The following MCUB variants were observed in gnomAD, a reference collection of about 807,000 sequenced individuals.
MCUB encodes the protein mitochondrial calcium uniporter dominant negative subunit beta, also known as calcium uniporter regulatory subunit MCUb, mitochondrial.
Under a neutral mutation model 41.4 loss-of-function variants are expected in MCUB, and 46 were observed. The observed-to-expected ratio is 1.11, with a 90% CI of 0.88 to 1.42. The LOEUF (loss-of-function observed/expected upper bound fraction) is 1.42, where lower values mean the gene tolerates loss of function less well. Among genes scored for constraint, MCUB ranks in the 40% most tolerant of loss-of-function variants. The pLI, the probability that MCUB is intolerant of heterozygous loss-of-function variation, is 0.00. For synonymous variants in MCUB, 148 were observed against 148.2 expected (o/e 1.00, Z 0.01); for missense variants, 403 against 404.9 (o/e 1.00, Z 0.04).
intron 1 of MCUB, among the ~76,000 whole-genome samples, chr4:109,617,156 T>C (rs1728144859): frequency 6.6e-6 from 1 of 152,226 alleles, no homozygotes; most frequent in Admixed American, 6.5e-5. Context: ...ATAGACCCAA[T>C]TTGCCTCAAC....
intron 1 of MCUB, among the ~76,000 whole-genome samples, chr4:109,575,087 C>T (rs908312194): frequency 1.1e-4 from 17 of 152,312 alleles, no homozygotes; most frequent in East Asian, 1.9e-4. Flanking sequence ...TTAATCTCTA[C>T]GCTTCCTTTC....
At chr4:109,679,136 C>G (rs182256167) in intron 4 of MCUB, among the ~76,000 whole-genome samples, 1 of 149,578 alleles carries the variant, frequency 6.7e-6, no homozygotes, top group Admixed American at 6.6e-5. Flanking sequence ...ACGGGATGGC[C>G]GGGCAGAGGT....
intron 4 of MCUB, among the ~76,000 whole-genome samples, chr4:109,673,311 A>G (rs1361047354): frequency 6.6e-6 from 1 of 152,200 alleles, no homozygotes; most frequent in Non-Finnish European, 1.5e-5. Flanking sequence ...CCATCCCTCA[A>G]ACCACCACAT....
Position 109,660,220 on chromosome 4 carries a change from C to T in MCUB, c.201C>T (p.Gly67=). 6.3e-7 allele frequency: 1 copy of T among 1,577,866 alleles called. No individual in the cohort carries two copies. The highest frequency in any genetic ancestry group is 8.7e-7 in the Non-Finnish European group (1 of 1,154,132). Residue 67 remains glycine, a synonymous_variant, in exon 3 of 8, where the codon GGC becomes GGT. Coordinates refer to ENST00000394650, the MANE Select transcript of MCUB (RefSeq NM_017918.5). ...AAATAACAGTTATTTATAGACATGG[C>T]CTTCCCTTGGTAACACTTACCTTGC... The part of the protein sequence containing the change: ...PDEITVIYRH[G]LPLVTLTLPS...
chr4:109,672,143 T>A (rs1357603471), intron 4 of MCUB, among the ~76,000 whole-genome samples: 2 of 152,166 alleles, frequency 1.3e-5, no homozygotes, highest in Non-Finnish European at 1.5e-5. Context: ...TTTCTTAGCC[T>A]CTTTTATTCT....
At position 109,687,618 on chromosome 4, in the gene MCUB, T is replaced by C. The variant is rs1364319181; in HGVS notation, c.*26T>C. ...TCTTACAGTTTTAAATGTCGTCAGA[T>C]TTTCCATTATGTATTGATTTTGCAA... On this transcript the variant is annotated 3_prime_UTR_variant, in exon 8 of 8. Transcript: ENST00000394650. 6.7e-7 allele frequency: 1 copy of C among 1,484,232 alleles called. No individual in the cohort carries two copies. Among genetic ancestry groups the C allele is most frequent in the Non-Finnish European group, 9.4e-7 (1 of 1,067,000 alleles). The allele number at this position is 1,484,232 out of a possible 1,614,324, so 91.9% of individuals were successfully genotyped here.
intron 1 of MCUB, among the ~76,000 whole-genome samples, chr4:109,623,917 A>G (rs1327630120): frequency 6.6e-6 from 1 of 152,304 alleles, no homozygotes; most frequent in South Asian, 2.1e-4. Context: ...TGGTGTGATC[A>G]TAGCTCACTG....
At chr4:109,645,623 C>T (rs1293547436) in intron 1 of MCUB, among the ~76,000 whole-genome samples, 2 of 152,196 alleles carry the variant, frequency 1.3e-5, no homozygotes, top group Admixed American at 6.5e-5. Context: ...CATTCTGAAC[C>T]CATCACAGTT....
chr4:109,568,614 A>G (rs1726837369), intron 1 of MCUB, among the ~76,000 whole-genome samples: 1 of 151,932 alleles, frequency 6.6e-6, no homozygotes, highest in African/African-American at 2.4e-5. Flanking sequence ...ACCCCTCTTC[A>G]GTTTTCGTGA....
At chr4:109,619,467 G>T (rs1178665440) in intron 1 of MCUB, among the ~76,000 whole-genome samples, 1 of 152,272 alleles carries the variant, frequency 6.6e-6, no homozygotes, top group Middle Eastern at 3.4e-3. Context: ...CAGCACTTTG[G>T]GAGGTTGAGG....
chr4:109,595,514 G>A (rs1330716843), intron 1 of MCUB, among the ~76,000 whole-genome samples: 1 of 152,090 alleles, frequency 6.6e-6, no homozygotes. Flanking sequence ...TACAATTATG[G>A]TGATGATGAG....
chr4:109,622,366 T>A (rs963565225), intron 1 of MCUB, among the ~76,000 whole-genome samples: 6 of 152,096 alleles, frequency 3.9e-5, no homozygotes, highest in African/African-American at 7.2e-5. Context: ...AAAGAAAAAA[T>A]TTTTAATAAG....
At position 109,687,599 on chromosome 4, in the gene MCUB, A is replaced by G. The variant is rs746521336; in HGVS notation, c.*7A>G. 2.5e-6 allele frequency: 4 copies of G among 1,581,430 alleles called. No individual in the cohort carries two copies. The highest frequency in any genetic ancestry group is 3.5e-6 in the Non-Finnish European group (4 of 1,151,792). ...ACTCAATGAAAAGAATTAATCTTAC[A>G]GTTTTAAATGTCGTCAGATTTTCCA... On this transcript the variant is annotated 3_prime_UTR_variant, in exon 8 of 8. Transcript: ENST00000394650.
At chr4:109,602,030 A>C (rs1727756718) in intron 1 of MCUB, among the ~76,000 whole-genome samples, 1 of 152,184 alleles carries the variant, frequency 6.6e-6, no homozygotes, top group African/African-American at 2.4e-5. Flanking sequence ...AGAAATGTCT[A>C]TTCAGATCTT....
At chr4:109,611,509 G>T (rs1579064815) in intron 1 of MCUB, among the ~76,000 whole-genome samples, 1 of 152,150 alleles carries the variant, frequency 6.6e-6, no homozygotes, top group South Asian at 2.1e-4. Flanking sequence ...GCAAAATCCA[G>T]ATAAATCTTA....
chr4:109,662,836 T>G (rs1258455961), intron 3 of MCUB, among the ~76,000 whole-genome samples: 1 of 152,210 alleles, frequency 6.6e-6, no homozygotes, highest in Non-Finnish European at 1.5e-5. Context: ...TTCTTCTTTT[T>G]AAAAGACTCT....
At chr4:109,614,009 T>G (rs1284020109) in intron 1 of MCUB, among the ~76,000 whole-genome samples, 2 of 152,240 alleles carry the variant, frequency 1.3e-5, no homozygotes, top group East Asian at 3.8e-4. Flanking sequence ...CTGTATACTT[T>G]TATCATGTGT....
In MCUB at chr4:109,626,376, A is replaced by T. The variant is rs181994364; in HGVS notation, c.100-32635A>T. Among the ~76,000 whole-genome samples the T allele has an allele frequency of 1.4e-3, 218 of 152,332 alleles. 1 individual carries two copies. Among genetic ancestry groups the T allele is most frequent in the African/African-American group, 4.9e-3 (204 of 41,572 alleles). On this transcript the variant is annotated intron_variant, in intron 1 of 7. Coordinates refer to ENST00000394650, the MANE Select transcript of MCUB (RefSeq NM_017918.5). The stretch of plus-strand genomic sequence containing the variant: ...ATAGAAGAGATTTAGTAGATTTAAT[A>T]CTCAAAAATTTAATATTCAGAAATC...
chr4:109,625,254 C>T (rs915753191), intron 1 of MCUB, among the ~76,000 whole-genome samples: 2 of 152,210 alleles, frequency 1.3e-5, no homozygotes, highest in Non-Finnish European at 2.9e-5. Context: ...CTCCCAGCTA[C>T]TCTCAGGCCT....
Sources: allele counts gnomAD v4.1 joint callset (sites outside exome capture counted in the v4.1 genomes callset), GRCh38; gene constraint gnomAD v4.1.1; transcripts MANE v1.5; gene names NCBI Gene and HGNC (gene_info 2026-07-23, HGNC 2026-07-21).